The following NAA35 variants were observed in gnomAD, a reference collection of about 807,000 sequenced individuals.
NAA35 encodes the protein N-alpha-acetyltransferase 35, NatC auxiliary subunit, also known as MAK10 homolog, amino-acid N-acetyltransferase subunit.
In NAA35, 18 loss-of-function variants were observed where a neutral mutation model predicts 101.7. The ratio of observed to expected loss-of-function variants is 0.18; its 90% CI spans 0.12 to 0.26. NAA35 has a LOEUF of 0.26. Among genes scored for constraint, NAA35 ranks in the 10% least tolerant of loss-of-function variants. The pLI is 1.00. For synonymous variants in NAA35, 267 were observed against 273.1 expected (o/e 0.98, Z 0.22); for missense variants, 601 against 886.8 (o/e 0.68, Z 4.09).
At chr9:86,011,635 C>T (rs1370458008) in intron 15 of NAA35, among the ~76,000 whole-genome samples, 1 of 151,278 alleles carries the variant, frequency 6.6e-6, no homozygotes, top group Non-Finnish European at 1.5e-5. Flanking sequence ...CTGGGACTTA[C>T]AGGCAGGAGC....
chr9:86,007,452 T>C lies in NAA35; in HGVS notation c.1211T>C (p.Val404Ala). Residue 404 changes from valine to alanine, a missense_variant, in exon 14 of 23, where the codon GTG (valine) becomes GCG (alanine). This residue lies in a region of NAA35 where 190 missense variants were observed against 223.1 expected (regional missense o/e 0.85). Transcript: ENST00000361671. ...CTTCGGTCTTTTGTCAGTCCTCCGG[T>C]GCTTTCCCCCAAGTAAGTATTGTAA... ...DALRSFVSPP[V>A]LSPKCYLYNN... 1 of 1,613,198 alleles carries C rather than the reference T, an allele frequency of 6.2e-7. No individual in the cohort carries two copies. The highest frequency in any genetic ancestry group is 8.5e-7 in the Non-Finnish European group (1 of 1,179,294).
chr9:85,969,851 C>T (rs561948120), intron 6 of NAA35, among the ~76,000 whole-genome samples: 9 of 147,368 alleles, frequency 6.1e-5, no homozygotes, highest in African/African-American at 2.0e-4. Flanking sequence ...TCAAATGACT[C>T]TGTCTCTTAA....
chr9:85,968,691 A>T (rs1036680823), intron 6 of NAA35, among the ~76,000 whole-genome samples: 3 of 151,946 alleles, frequency 2.0e-5, no homozygotes, highest in African/African-American at 7.3e-5. Context: ...CTAATATTCT[A>T]ACTTCTGGAT....
chr9:85,943,779 T>G (rs1828630245), intron 2 of NAA35, among the ~76,000 whole-genome samples: 1 of 152,100 alleles, frequency 6.6e-6, no homozygotes, highest in African/African-American at 2.4e-5. Context: ...ATAGGGAAGG[T>G]TTTTGAAGGT....
intron 3 of NAA35, among the ~76,000 whole-genome samples, chr9:85,957,312 G>T: frequency 6.6e-6 from 1 of 152,158 alleles, no homozygotes; most frequent in East Asian, 1.9e-4. Flanking sequence ...CATCATAAAG[G>T]TTTTCATGTT....
chr9:85,993,746 C>G (rs569334647), intron 11 of NAA35, among the ~76,000 whole-genome samples: 1 of 149,294 alleles, frequency 6.7e-6, no homozygotes, highest in South Asian at 2.1e-4. Flanking sequence ...AGAGATAAAC[C>G]GGGGATCACA....
At chr9:86,012,844 T>C (rs1431483202) in intron 15 of NAA35, among the ~76,000 whole-genome samples, 1 of 152,222 alleles carries the variant, frequency 6.6e-6, no homozygotes, top group Admixed American at 6.5e-5. Context: ...CACATGAAGC[T>C]GTTTTTTTCC....
At chr9:85,957,731 A>G (rs1829337369) in intron 3 of NAA35, among the ~76,000 whole-genome samples, 1 of 152,258 alleles carries the variant, frequency 6.6e-6, no homozygotes, top group African/African-American at 2.4e-5. Context: ...TCAATTTTCA[A>G]GGTTAGGAAT....
At chr9:85,991,385 T>G (rs1830906286) in intron 11 of NAA35, among the ~76,000 whole-genome samples, 1 of 152,020 alleles carries the variant, frequency 6.6e-6, no homozygotes, top group East Asian at 1.9e-4. Flanking sequence ...AGTACAGGGT[T>G]TCAGAGCCTA....
At chr9:86,021,488 A>C (rs1832551991) in intron 22 of NAA35, among the ~76,000 whole-genome samples, 1 of 152,062 alleles carries the variant, frequency 6.6e-6, no homozygotes, top group Admixed American at 6.5e-5. Flanking sequence ...CTTTTCTTCC[A>C]TTGTTTCCTG....
chr9:85,984,145 T>A (rs1248062188), intron 11 of NAA35, among the ~76,000 whole-genome samples: 1 of 151,412 alleles, frequency 6.6e-6, no homozygotes, highest in African/African-American at 2.4e-5. Context: ...CTGTACAACA[T>A]AGCAAGACCC....
intron 6 of NAA35, among the ~76,000 whole-genome samples, chr9:85,964,547 G>A (rs563650901): frequency 1.3e-5 from 2 of 152,232 alleles, no homozygotes; most frequent in African/African-American, 4.8e-5. Context: ...ATTATGTCCT[G>A]CATTTAATTG....
intron 21 of NAA35, 44 bp downstream of exon 21, chr9:86,018,865 G>T: frequency 6.2e-7 from 1 of 1,601,516 alleles, no homozygotes; most frequent in South Asian, 1.1e-5. Flanking sequence ...AGCGTGGCAG[G>T]AAATACATCT....
intron 11 of NAA35, among the ~76,000 whole-genome samples, chr9:85,996,129 T>A (rs1475479187): frequency 6.6e-6 from 1 of 152,136 alleles, no homozygotes; most frequent in Non-Finnish European, 1.5e-5. Context: ...TTTCTTTGAG[T>A]TCATTTTGAC....
chr9:85,955,692 T>C (rs1037631725), intron 2 of NAA35, among the ~76,000 whole-genome samples: 1 of 152,138 alleles, frequency 6.6e-6, no homozygotes, highest in South Asian at 2.1e-4. Context: ...CTTAGCATGT[T>C]ATAGCAGTGA....
At chr9:85,957,366 A>C (rs1829321109) in intron 3 of NAA35, among the ~76,000 whole-genome samples, 1 of 152,208 alleles carries the variant, frequency 6.6e-6, no homozygotes, top group Non-Finnish European at 1.5e-5. Flanking sequence ...AGAGGAAGTT[A>C]GTCTTGCAGT....
chr9:85,977,111 G>T (rs1185591070), intron 9 of NAA35, among the ~76,000 whole-genome samples: 1 of 152,048 alleles, frequency 6.6e-6, no homozygotes, highest in South Asian at 2.1e-4. Flanking sequence ...GTTTTTTGAG[G>T]TAATAGTGTA....
chr9:85,999,760 G>A (rs2118295620), intron 12 of NAA35, among the ~76,000 whole-genome samples: 1 of 152,304 alleles, frequency 6.6e-6, no homozygotes, highest in East Asian at 1.9e-4. Context: ...CTGAAGAGCT[G>A]CTGTCCCAAG....
intron 22 of NAA35, 150 bp downstream of exon 22, chr9:86,021,119 T>G: frequency 1.8e-6 from 1 of 548,616 alleles, no homozygotes; most frequent in East Asian, 3.2e-5. Flanking sequence ...AAATTAGAGC[T>G]TGCCATTTTG....
Sources: gnomAD v4.1 joint callset for allele counts (sites outside exome capture counted in the v4.1 genomes callset) on GRCh38, gnomAD v4.1.1 for gene constraint, gnomAD v4.1.1 regional missense constraint, MANE v1.5 for transcripts, NCBI Gene and HGNC (gene_info 2026-07-23, HGNC 2026-07-21) for gene names.